RNPEPL1: variants seen among roughly 807,000 people sequenced by gnomAD.
The protein encoded by RNPEPL1 is aminopeptidase RNPEPL1.
In RNPEPL1, 46 loss-of-function variants were observed where a neutral mutation model predicts 69.0. The ratio of observed to expected loss-of-function variants is 0.67; its 90% CI spans 0.53 to 0.85. The LOEUF (loss-of-function observed/expected upper bound fraction) is 0.85. RNPEPL1 is among the 40% of genes least tolerant of loss of function. RNPEPL1 has a pLI of 0.00. For missense variants in RNPEPL1, 869 were observed against 992.5 expected (o/e 0.88, Z 1.67); for synonymous variants, 525 against 454.1 (o/e 1.16, Z -1.98).
chr2:240,575,911 G>C, intron 8 of RNPEPL1: 1 of 438,650 alleles, frequency 2.3e-6, no homozygotes, highest in South Asian at 2.5e-5. Flanking sequence ...CGGGTGACGG[G>C]GGTGTCCTGG....
chr2:240,570,696 A>G (rs1277453273), intron 1 of RNPEPL1, among the ~76,000 whole-genome samples: 7 of 152,100 alleles, frequency 4.6e-5, no homozygotes, highest in Non-Finnish European at 1.0e-4. Flanking sequence ...CCACCCCAGC[A>G]AGAACAGCGT....
At position 240,568,868 on chromosome 2, in the gene RNPEPL1, C is replaced by CA; in HGVS notation, c.282_283insA (p.Ala95SerfsTer209). 8.4e-7 allele frequency: 1 copy of CA among 1,183,704 alleles called. No homozygotes were observed. The highest frequency in any genetic ancestry group is 1.0e-6 in the Non-Finnish European group (1 of 953,244). 73.3% of individuals were successfully genotyped at this position (1,183,704 alleles called of 1,614,324 possible). Reference sequence around the variant, plus strand: ...ACTCAGCCGCCTTCCGTCGCGCCCCCGCCGCCGCCGCCGAGACGCCCTGCG... The same window carrying CA: ...ACTCAGCCGCCTTCCGTCGCGCCCCCAGCCGCCGCCGCCGAGACGCCCTGCG... On this transcript the variant is annotated frameshift_variant, in exon 1 of 11. Transcript: ENST00000270357. LOFTEE classifies it high-confidence loss of function. The surrounding 1 kb of genome is among the most constrained non-coding windows in gnomAD (Gnocchi z 6.2).
At chr2:240,572,307 A>C in intron 1 of RNPEPL1, 116 bp from the exon 2 acceptor site, 2 of 1,229,108 alleles carry the variant, frequency 1.6e-6, no homozygotes, top group Non-Finnish European at 2.2e-6. Context: ...CCAGCAAGAT[A>C]ATCTGGCCAT....
intron 10 of RNPEPL1, among the ~76,000 whole-genome samples, chr2:240,577,349 T>G (rs2093040709): frequency 6.6e-6 from 1 of 152,206 alleles, no homozygotes; most frequent in South Asian, 2.1e-4. Context: ...GGGCCCTGGC[T>G]GCCCTGCTCC....
At chr2:240,574,697 T>C in intron 6 of RNPEPL1, 69 bp downstream of exon 6, 1 of 1,289,654 alleles carries the variant, frequency 7.8e-7, no homozygotes, top group Non-Finnish European at 1.1e-6. Context: ...TGCCTGCCCT[T>C]CGTGTGTTCT....
In RNPEPL1 at chr2:240,578,832, C is replaced by G. The variant is rs973323798; in HGVS notation, c.*940C>G. ...CTTGGGGCCTGGAGCTGGTCAGGAG[C>G]TGGGTGTGGCCCCCTCCTCTGATAC... On this transcript the variant is annotated 3_prime_UTR_variant, in exon 11 of 11. Coordinates refer to ENST00000270357, the MANE Select transcript of RNPEPL1 (RefSeq NM_018226.6). 6.5e-6 allele frequency: 1 copy of G among 152,694 alleles called. No homozygotes were observed. The highest frequency in any genetic ancestry group is 2.4e-5 in the African/African-American group (1 of 41,446). 9.5% of individuals were successfully genotyped at this position (152,694 alleles called of 1,614,324 possible). A position where few individuals can be genotyped will look rare whatever the true frequency, so the allele number is the denominator to read the frequency against.
intron 1 of RNPEPL1, among the ~76,000 whole-genome samples, chr2:240,569,475 A>T (rs1488144529): frequency 2.0e-5 from 3 of 152,258 alleles, no homozygotes; most frequent in African/African-American, 7.2e-5. Context: ...CAGTGCGTGC[A>T]GATGAGTCCA....
intron 1 of RNPEPL1, among the ~76,000 whole-genome samples, chr2:240,569,929 G>A (rs2093016494): frequency 1.3e-5 from 2 of 152,228 alleles, no homozygotes; most frequent in South Asian, 4.1e-4. Context: ...GCCACAAAGA[G>A]CCAAGGTGAC....
intron 9 of RNPEPL1, 25 bp downstream of exon 9, chr2:240,576,790 CG>C (rs768006009): frequency 2.5e-6 from 4 of 1,612,382 alleles, no homozygotes; most frequent in Non-Finnish European, 3.4e-6. Flanking sequence ...CTGATGGGGG[CG>C]GCCCAGGGGC....
chr2:240,572,470 C>T lies in RNPEPL1; in HGVS notation c.576C>T (p.Phe192=), dbSNP rs747095703. 135 of 1,536,162 alleles carry T rather than the reference C, an allele frequency of 8.8e-5. 1 individual carries two copies. Among genetic ancestry groups the T allele is most frequent in the Middle Eastern group, 6.7e-4 (4 of 6,012 alleles). ...PELTYGCAKP[F]VFTQGHSVCN... ...TGACCTATGGCTGCGCCAAGCCCTT[C>T]GTCTTCACCCAGGGCCACTCCGTGT... The change falls in exon 2 of 11, where the codon TTC becomes TTT. Residue 192 remains phenylalanine (F), a synonymous_variant. Transcript: ENST00000270357.
At chr2:240,572,678 A>C in intron 2 of RNPEPL1, 115 bp downstream of exon 2, 1 of 1,334,964 alleles carries the variant, frequency 7.5e-7, no homozygotes, top group Non-Finnish European at 1.0e-6. Flanking sequence ...CCAGCAGGCC[A>C]CAGTGCTAGC....
intron 7 of RNPEPL1, 140 bp from the exon 8 acceptor site, chr2:240,575,362 C>A: frequency 1.2e-6 from 1 of 818,806 alleles, no homozygotes; most frequent in Non-Finnish European, 2.0e-6. Context: ...GTGCCAAGTG[C>A]TGGCTCCGCA....
chr2:240,579,349 C>T lies in RNPEPL1; in HGVS notation c.*1457C>T, dbSNP rs758116037. 9.9e-5 allele frequency: 15 copies of T among 151,246 alleles called. No individual in the cohort carries two copies. The highest frequency in any genetic ancestry group is 4.1e-4 in the South Asian group (2 of 4,824). 9.4% of individuals were successfully genotyped at this position (151,246 alleles called of 1,614,324 possible). A position where few individuals can be genotyped will look rare whatever the true frequency, so the allele number is the denominator to read the frequency against. ...ACCCTCCTTCCTGTTCTGGATGCCCCGCCCCTCCCCTCCCCTCCCAAGGAC... is the reference window on the plus strand; with the variant it reads ...ACCCTCCTTCCTGTTCTGGATGCCCTGCCCCTCCCCTCCCCTCCCAAGGAC... On this transcript the variant is annotated 3_prime_UTR_variant, in exon 11 of 11. Transcript: ENST00000270357.
chr2:240,576,355 C>A lies in RNPEPL1; in HGVS notation c.1511-180C>A, dbSNP rs1219524207. The A allele has an allele frequency of 8.1e-6, 5 of 618,638 alleles. No homozygotes were observed. The Admixed American group carries it at 1.5e-4, about 18-fold the overall frequency. The allele number at this position is 618,638 out of a possible 1,614,324, so 38.3% of individuals were successfully genotyped here. A position where few individuals can be genotyped will look rare whatever the true frequency, so the allele number is the denominator to read the frequency against. ...TCCCTGTACCCCTTCACAGAAGCCCCTTCAGTGGCTTCAAGTGGCAGTGCT... is the reference window on the plus strand; with the variant it reads ...TCCCTGTACCCCTTCACAGAAGCCCATTCAGTGGCTTCAAGTGGCAGTGCT... On this transcript the variant is annotated intron_variant, in intron 8 of 10. Transcript: ENST00000270357.
chr2:240,570,518 C>T (rs1182864254), intron 1 of RNPEPL1, among the ~76,000 whole-genome samples: 2 of 152,224 alleles, frequency 1.3e-5, no homozygotes, highest in African/African-American at 2.4e-5. Flanking sequence ...GTAGAGTCCC[C>T]TTCTCTTCCT....
intron 2 of RNPEPL1, among the ~76,000 whole-genome samples, 182 bp from the exon 3 acceptor site, chr2:240,572,928 G>A (rs983148801): frequency 6.6e-6 from 1 of 152,236 alleles, no homozygotes; most frequent in African/African-American, 2.4e-5. Context: ...TGCAGGCTGG[G>A]AGCTAGGGGT....
At chr2:240,570,871 G>A (rs567642817) in intron 1 of RNPEPL1, among the ~76,000 whole-genome samples, 16 of 152,312 alleles carry the variant, frequency 1.1e-4, no homozygotes, top group African/African-American at 3.8e-4. Context: ...GGCAAGTGGG[G>A]AGCTGTGGGC....
chr2:240,569,456 C>G (rs1218605626), intron 1 of RNPEPL1, among the ~76,000 whole-genome samples: 1 of 152,204 alleles, frequency 6.6e-6, no homozygotes, highest in Non-Finnish European at 1.5e-5. Flanking sequence ...GGAAGGGCCT[C>G]CATGTGACCA....
chr2:240,571,927 C>T (rs1276845924), intron 1 of RNPEPL1, among the ~76,000 whole-genome samples: 1 of 151,518 alleles, frequency 6.6e-6, no homozygotes, highest in East Asian at 2.0e-4. Context: ...CTCAGGGTGG[C>T]TCTGGGCCCG....
Sources: allele counts gnomAD v4.1 joint callset (sites outside exome capture counted in the v4.1 genomes callset), GRCh38; gene constraint gnomAD v4.1.1; non-coding constraint Gnocchi (gnomAD v3.1); transcripts MANE v1.5; gene names NCBI Gene and HGNC (gene_info 2026-07-23, HGNC 2026-07-21).